Variants in PTH2R observed in about 807,000 individuals in gnomAD.
The protein encoded by PTH2R is parathyroid hormone 2 receptor, also known as PTH2 receptor.
In PTH2R, 59 loss-of-function variants were observed where a neutral mutation model predicts 60.3. The observed-to-expected ratio is 0.98, with a 90% CI of 0.79 to 1.22. The LOEUF (loss-of-function observed/expected upper bound fraction) is 1.22. Among genes scored for constraint, PTH2R ranks in the 50% most tolerant of loss-of-function variants. The pLI is 0.00. For missense variants in PTH2R, 749 were observed against 682.6 expected (o/e 1.10, Z -1.08); for synonymous variants, 256 against 243.8 (o/e 1.05, Z -0.47).
intron 1 of PTH2R, among the ~76,000 whole-genome samples, chr2:208,393,695 G>A (rs530445949): frequency 8.5e-5 from 13 of 152,298 alleles, no homozygotes; most frequent in South Asian, 4.1e-4. Flanking sequence ...ACATCCCTCC[G>A]TGTGAGATCA....
chr2:208,387,008 A>C (rs1007024734), intron 1 of PTH2R, among the ~76,000 whole-genome samples: 2 of 152,298 alleles, frequency 1.3e-5, no homozygotes, highest in East Asian at 3.9e-4. Context: ...GTTTAATGCC[A>C]ATTTTAATCT....
chr2:208,379,942 A>G (rs1407810903), intron 1 of PTH2R, among the ~76,000 whole-genome samples: 1 of 151,994 alleles, frequency 6.6e-6, no homozygotes, highest in Non-Finnish European at 1.5e-5. Flanking sequence ...AGAATAGAAA[A>G]ATTCAAAGGC....
intron 1 of PTH2R, among the ~76,000 whole-genome samples, chr2:208,395,214 A>AT (rs577473094): frequency 6.0e-4 from 91 of 151,790 alleles, no homozygotes; most frequent in Non-Finnish European, 4.6e-4. Flanking sequence ...TGCCTGGCTA[A>AT]TTTTTTGTAT....
At position 208,429,074 on chromosome 2, in the gene PTH2R, C is replaced by T. The variant is rs180688390; in HGVS notation, c.178+771C>T. Among the ~76,000 whole-genome samples the T allele has an allele frequency of 3.6e-3, 383 of 105,852 alleles. 2 individuals carry two copies. Among genetic ancestry groups the T allele is most frequent in the African/African-American group, 0.013 (349 of 26,576 alleles). 69.4% of individuals were successfully genotyped at this position (105,852 alleles called of 152,430 possible). A position where few individuals can be genotyped will look rare whatever the true frequency, so the allele number is the denominator to read the frequency against. ...AACTCCAGCCTGGGTGACAGAGCGA[C>T]TCTCTGTCTCAAAAAAAAAAAAAAA... On this transcript the variant is annotated intron_variant, in intron 2 of 12. Transcript: ENST00000272847.
chr2:208,384,888 C>T (rs2118294), intron 1 of PTH2R, among the ~76,000 whole-genome samples: 112,105 of 152,082 alleles, frequency 0.74, 45,097 homozygotes, highest in East Asian at 0.94. Context: ...GCGGTCCATT[C>T]TCTAATTTTC....
At chr2:208,417,640 C>T (rs1265080882) in intron 1 of PTH2R, among the ~76,000 whole-genome samples, 1 of 150,430 alleles carries the variant, frequency 6.6e-6, no homozygotes, top group Non-Finnish European at 1.5e-5. Flanking sequence ...GCAACCTCCT[C>T]CCGGATTAAA....
Position 208,442,445 on chromosome 2 carries a change from A to G in PTH2R, c.493A>G (p.Ile165Val), listed in dbSNP as rs772102371. 1.2e-6 allele frequency: 2 copies of G among 1,607,830 alleles called. No individual in the cohort carries two copies. The highest frequency in any genetic ancestry group is 4.5e-5 in the East Asian group (2 of 44,828). The change falls in exon 5 of 13, where the codon ATC becomes GTC. Residue 165 changes from isoleucine (I) to valine (V), a missense_variant. Physicochemically the swap from Ile to Val is conservative, Grantham distance 29. Transcript: ENST00000272847. ...SFGSLAVAIL[I>V]IGYFRRLHCT... ...TGGTTCCTTGGCTGTGGCTATTCTC[A>G]TCATTGGTTACTTCAGGTGAGTGAT...
intron 1 of PTH2R, among the ~76,000 whole-genome samples, chr2:208,408,765 A>AGAGAGAGAGAGAGAGAGAGAG (rs58469801): frequency 7.3e-5 from 11 of 150,880 alleles, no homozygotes; most frequent in South Asian, 2.1e-4. Context: ...AGAGAGAGAG[A>AGAGAGAGAGAGAGAGAGAGAG]AATAAATAAT....
rs550064253 is a variant in PTH2R at position 208,429,040 on chromosome 2, G to A, written c.178+737G>A. On this transcript the variant is annotated intron_variant, in intron 2 of 12. Coordinates refer to ENST00000272847, the MANE Select transcript of PTH2R (RefSeq NM_005048.4). ...GTGGAGGTTGCGGTGAGCTGAGATC[G>A]CACCATTGAACTCCAGCCTGGGTGA... is the stretch of plus-strand genomic sequence containing the variant. Among the ~76,000 whole-genome samples, 24 of 148,306 alleles carry A rather than the reference G, an allele frequency of 1.6e-4. No homozygotes were observed. In the East Asian group the frequency reaches 3.2e-3, roughly 20 times the overall value.
chr2:208,429,283 T>C (rs1334959839), intron 2 of PTH2R, among the ~76,000 whole-genome samples: 1 of 152,130 alleles, frequency 6.6e-6, no homozygotes, highest in Non-Finnish European at 1.5e-5. Context: ...GTGCTTGACC[T>C]ATTATTTTCT....
intron 1 of PTH2R, among the ~76,000 whole-genome samples, chr2:208,379,247 TAGC>T (rs1700866406): frequency 6.6e-6 from 1 of 152,140 alleles, no homozygotes; most frequent in Non-Finnish European, 1.5e-5. Flanking sequence ...TTAATAAAGT[TAGC>T]AGGTAATGTT....
At chr2:208,392,392 T>C (rs545427018) in intron 1 of PTH2R, among the ~76,000 whole-genome samples, 107 of 152,268 alleles carry the variant, frequency 7.0e-4, no homozygotes, top group African/African-American at 2.5e-3. Context: ...AGGGATACTC[T>C]CTCTGGTTAG....
chr2:208,375,446 ACTGT>A (rs1420460342), intron 1 of PTH2R, among the ~76,000 whole-genome samples: 1 of 152,076 alleles, frequency 6.6e-6, no homozygotes, highest in African/African-American at 2.4e-5. Context: ...ATAATTTGAA[ACTGT>A]CTGCTCTGTG....
chr2:208,375,959 A>G (rs75563174), intron 1 of PTH2R, among the ~76,000 whole-genome samples: 4,540 of 152,148 alleles, frequency 0.03, 251 homozygotes, highest in African/African-American at 0.09. Context: ...CATGAATAGG[A>G]AGAGTTTTCT....
intron 1 of PTH2R, among the ~76,000 whole-genome samples, chr2:208,378,614 C>T (rs1176064945): frequency 6.6e-6 from 1 of 151,994 alleles, no homozygotes; most frequent in Non-Finnish European, 1.5e-5. Context: ...GCCCTTTCAC[C>T]CTTTTCTACC....
chr2:208,486,628 T>G (rs750395755), intron 10 of PTH2R, among the ~76,000 whole-genome samples: 1 of 151,942 alleles, frequency 6.6e-6, no homozygotes, highest in Non-Finnish European at 1.5e-5. Flanking sequence ...TTTCAAGGTT[T>G]TGCAAGTGAG....
At chr2:208,412,887 C>T (rs1177217594) in intron 1 of PTH2R, among the ~76,000 whole-genome samples, 8 of 152,126 alleles carry the variant, frequency 5.3e-5, no homozygotes, top group Non-Finnish European at 1.2e-4. Flanking sequence ...TTAATATATA[C>T]TTTCAATTAT....
At chr2:208,421,558 GT>G (rs1701757615) in intron 1 of PTH2R, among the ~76,000 whole-genome samples, 1 of 151,914 alleles carries the variant, frequency 6.6e-6, no homozygotes, top group Admixed American at 6.6e-5. Flanking sequence ...AAACTATAAT[GT>G]TTATTATAAG....
intron 2 of PTH2R, among the ~76,000 whole-genome samples, chr2:208,431,998 C>G (rs991508253): frequency 4.6e-5 from 7 of 152,162 alleles, no homozygotes; most frequent in Non-Finnish European, 1.0e-4. Context: ...AATGGCTAGT[C>G]TAATAGTGTC....
Sources: gnomAD v4.1 joint callset for allele counts (sites outside exome capture counted in the v4.1 genomes callset) on GRCh38, gnomAD v4.1.1 for gene constraint, MANE v1.5 for transcripts, NCBI Gene and HGNC (gene_info 2026-07-23, HGNC 2026-07-21) for gene names.